FABP12: variants seen among roughly 807,000 people sequenced by gnomAD.
FABP12 encodes the protein fatty acid binding protein 12.
Under a neutral mutation model 13.7 loss-of-function variants are expected in FABP12, and 19 were observed. The observed-to-expected ratio is 1.39, with a 90% CI of 0.97 to 2.04. The LOEUF (loss-of-function observed/expected upper bound fraction) is 2.04, where lower values mean the gene tolerates loss of function less well. FABP12 is among the 30% of genes most tolerant of loss of function. FABP12 has a pLI of 0.00. For synonymous variants in FABP12, 61 were observed against 57.0 expected, an observed-to-expected ratio of 1.07 and a Z score of -0.32; for missense variants, 182 against 164.2, an observed-to-expected ratio of 1.11 and a Z score of -0.59.
intron 2 of FABP12, among the ~76,000 whole-genome samples, chr8:81,530,560 A>G (rs1307088452): frequency 6.6e-6 from 1 of 152,248 alleles, no homozygotes; most frequent in African/African-American, 2.4e-5. Context: ...ACTATAATGT[A>G]GTTCATGGAA....
intron 1 of FABP12, among the ~76,000 whole-genome samples, chr8:81,571,679 A>G (rs1469872806): frequency 1.3e-5 from 2 of 152,254 alleles, no homozygotes; most frequent in African/African-American, 4.8e-5. Context: ...CAACTTTTTC[A>G]GAACATCATC....
intron 1 of FABP12, among the ~76,000 whole-genome samples, chr8:81,575,196 G>A (rs1810015782): frequency 1.3e-5 from 2 of 152,046 alleles, no homozygotes; most frequent in African/African-American, 4.8e-5. Context: ...TTTCGATCTT[G>A]GTTTCGTTTT....
intron 1 of FABP12, among the ~76,000 whole-genome samples, chr8:81,581,047 A>G (rs1810149110): frequency 1.3e-5 from 2 of 152,018 alleles, no homozygotes; most frequent in African/African-American, 4.8e-5. Context: ...GCCTAAAAGC[A>G]TGGCCTGGAG....
At chr8:81,574,268 T>C (rs1165930782) in intron 1 of FABP12, among the ~76,000 whole-genome samples, 1 of 152,218 alleles carries the variant, frequency 6.6e-6, no homozygotes, top group East Asian at 1.9e-4. Flanking sequence ...TTGACTTGCA[T>C]ATGCTAAACC....
intron 1 of FABP12, among the ~76,000 whole-genome samples, chr8:81,570,931 C>T (rs770647762): frequency 4.6e-5 from 7 of 152,058 alleles, no homozygotes; most frequent in Non-Finnish European, 8.8e-5. Flanking sequence ...GAAGATGGGA[C>T]CTCACAGGGA....
intron 1 of FABP12, among the ~76,000 whole-genome samples, chr8:81,551,768 A>T (rs1451785898): frequency 6.6e-6 from 1 of 152,178 alleles, no homozygotes; most frequent in Non-Finnish European, 1.5e-5. Flanking sequence ...TTAAGGCTAG[A>T]CAGTGATGTG....
At chr8:81,557,902 T>A (rs1809649861) in intron 1 of FABP12, among the ~76,000 whole-genome samples, 1 of 152,216 alleles carries the variant, frequency 6.6e-6, no homozygotes, top group African/African-American at 2.4e-5. Context: ...TGTTTAGTCC[T>A]GAGTTTTGAA....
intron 1 of FABP12, among the ~76,000 whole-genome samples, chr8:81,543,346 C>T (rs578086165): frequency 6.6e-6 from 1 of 152,156 alleles, no homozygotes; most frequent in East Asian, 1.9e-4. Flanking sequence ...TGTAGAGTAG[C>T]TTTCATGAGA....
intron 3 of FABP12, 98 bp downstream of exon 3, chr8:81,529,340 G>A: frequency 8.4e-7 from 1 of 1,194,730 alleles, no homozygotes; most frequent in Non-Finnish European, 1.2e-6. Flanking sequence ...TTCCTCTTAA[G>A]GACTTTAGAT....
intron 1 of FABP12, among the ~76,000 whole-genome samples, chr8:81,560,977 A>G (rs1809713927): frequency 6.6e-6 from 1 of 152,162 alleles, no homozygotes; most frequent in African/African-American, 2.4e-5. Flanking sequence ...CAAAGGAGGG[A>G]AGGTGACCCG....
intron 2 of FABP12, among the ~76,000 whole-genome samples, chr8:81,530,750 C>T (rs1314634026): frequency 6.6e-6 from 1 of 152,098 alleles, no homozygotes; most frequent in East Asian, 1.9e-4. Context: ...GAGCAGATCT[C>T]AAACATAATC....
rs529465778 is a variant in FABP12, at chr8:81,546,332, A to G, written c.-184-6589T>C. 2.2e-3 allele frequency among the ~76,000 whole-genome samples: 336 copies of G among 152,260 alleles called. 4 individuals are homozygous for G. Among genetic ancestry groups the G allele is most frequent in the Non-Finnish European group, 2.5e-3 (168 of 68,016 alleles). On this transcript the variant is annotated intron_variant, in intron 1 of 5. Coordinates refer to the FABP12 transcript ENST00000692030. ...ACCAGAGTTTAGTTTCTGCCTTTTC[A>G]TTATAGGAATCTTAACTATTGTGTC...
At chr8:81,587,989 G>A (rs1355690329) in intron 1 of FABP12, among the ~76,000 whole-genome samples, 1 of 152,112 alleles carries the variant, frequency 6.6e-6, no homozygotes, top group Non-Finnish European at 1.5e-5. Context: ...GATGTTCAAG[G>A]TCAGGAAGCA....
At chr8:81,534,959 A>G (rs1585838300), upstream of FABP12, among the ~76,000 whole-genome samples, 1 of 152,174 alleles carries the variant, frequency 6.6e-6, no homozygotes, top group African/African-American at 2.4e-5. Context: ...AAAAAAATGT[A>G]AACATGTGTC....
intron 1 of FABP12, among the ~76,000 whole-genome samples, chr8:81,549,324 G>A (rs1809489878): frequency 6.6e-6 from 1 of 152,106 alleles, no homozygotes; most frequent in African/African-American, 2.4e-5. Context: ...TTAGAAAAAT[G>A]ACAGAATACA....
At chr8:81,535,590 T>C (rs1809201647), upstream of FABP12, among the ~76,000 whole-genome samples, 1 of 152,224 alleles carries the variant, frequency 6.6e-6, no homozygotes. Context: ...CTAGCTGCTG[T>C]ATGTCTTCAC....
chr8:81,528,812 TA>T (rs1808978437), intron 3 of FABP12, among the ~76,000 whole-genome samples: 1 of 152,098 alleles, frequency 6.6e-6, no homozygotes, highest in East Asian at 1.9e-4. Context: ...GGTGAGACAA[TA>T]AAAAGCCCAT....
At chr8:81,552,003 C>A (rs1401764876) in intron 1 of FABP12, among the ~76,000 whole-genome samples, 1 of 152,054 alleles carries the variant, frequency 6.6e-6, no homozygotes, top group African/African-American at 2.4e-5. Flanking sequence ...CCTTGTAATA[C>A]AATGCTTATC....
intron 1 of FABP12, chr8:81,533,043 T>C (rs995425916): frequency 6.6e-6 from 1 of 152,218 alleles, no homozygotes; most frequent in Non-Finnish European, 1.5e-5. Context: ...CGGATGCACA[T>C]GGATCCCCTC....
Sources: allele counts gnomAD v4.1 joint callset (sites outside exome capture counted in the v4.1 genomes callset), GRCh38; gene constraint gnomAD v4.1.1; transcripts MANE v1.5; gene names NCBI Gene and HGNC (gene_info 2026-07-23, HGNC 2026-07-21).